UGT1A4: variants seen among roughly 807,000 people sequenced by gnomAD.
UGT1A4 encodes the protein UDP-glucuronosyltransferase 1A4.
Under a neutral mutation model 41.1 loss-of-function variants are expected in UGT1A4, and 32 were observed. The ratio of observed to expected loss-of-function variants is 0.78; its 90% confidence interval spans 0.59 to 1.05. The LOEUF is 1.05. UGT1A4 is among the 50% of genes least tolerant of loss of function. The pLI is 0.00. For missense variants in UGT1A4, 748 were observed against 677.4 expected (o/e 1.10, Z -1.16); for synonymous variants, 283 against 265.1 (o/e 1.07, Z -0.66).
intron 1 of UGT1A4, among the ~76,000 whole-genome samples, chr2:233,748,829 G>T (rs1192020175): frequency 6.6e-6 from 1 of 151,330 alleles, no homozygotes. Context: ...GTCTAGGGAG[G>T]AGATAAAACT....
At chr2:233,768,114 G>A (rs763965900) in intron 3 of UGT1A4, 106 bp from the exon 4 acceptor site, 19 of 1,597,766 alleles carry the variant, frequency 1.2e-5, no homozygotes, top group Non-Finnish European at 1.6e-5. Flanking sequence ...TTCTGCAAGG[G>A]CATGTGAGTA....
At chr2:233,744,461 A>T (rs6741543) in intron 1 of UGT1A4, among the ~76,000 whole-genome samples, 5,148 of 151,990 alleles carry the variant, frequency 0.034, 162 homozygotes, top group African/African-American at 0.052. Context: ...ATTAAAACAG[A>T]ATTAAAAAGA....
chr2:233,729,651 C>T (rs1188318703), intron 1 of UGT1A4: 5 of 1,613,894 alleles, frequency 3.1e-6, no homozygotes, highest in African/African-American at 2.7e-5. Context: ...TTTTGAGGAA[C>T]ATTCCATGTG....
rs114982090 is a variant in UGT1A4, at chr2:233,772,309, C to T, written c.1355C>T (p.Pro452Leu). The T allele has an allele frequency of 2.3e-4, 377 of 1,614,206 alleles. No individual in the cohort carries two copies. The East Asian group carries it at 3.1e-3, about 13-fold the overall frequency. ...MRLSSLHKDR[P>L]VEPLDLAVFW... Reference sequence around the variant, plus strand: ...CTCTCCAGCCTTCACAAGGACCGCCCGGTGGAGCCGCTGGACCTGGCCGTG... The same window carrying T: ...CTCTCCAGCCTTCACAAGGACCGCCTGGTGGAGCCGCTGGACCTGGCCGTG... The change falls in exon 5 of 5, where the codon CCG becomes CTG. Residue 452 changes from proline (P) to leucine (L), a missense_variant. Pro to Leu is a moderately conservative substitution (Grantham distance 98). Coordinates refer to ENST00000373409, the MANE Select transcript of UGT1A4 (RefSeq NM_007120.3).
chr2:233,727,892 G>A (rs1335594867), intron 1 of UGT1A4, among the ~76,000 whole-genome samples: 1 of 152,130 alleles, frequency 6.6e-6, no homozygotes, highest in African/African-American at 2.4e-5. Flanking sequence ...TGGCAGACAC[G>A]GCCAGGCAAG....
chr2:233,750,083 G>A lies in UGT1A4; in HGVS notation c.868-16951G>A, dbSNP rs773064536. ...TGGAACTGGGTAACAGGCAGAGGTT[G>A]GAACAGTTTGGAGAGCTCAGAAGAA... is the stretch of plus-strand genomic sequence containing the variant. On this transcript the variant is annotated intron_variant, in intron 1 of 4. Transcript: ENST00000373409. Among the ~76,000 whole-genome samples the A allele has an allele frequency of 4.8e-4, 73 of 151,992 alleles. 1 individual carries two copies. The highest frequency in any genetic ancestry group is 9.7e-4 in the Non-Finnish European group (66 of 68,038).
intron 1 of UGT1A4, among the ~76,000 whole-genome samples, chr2:233,749,734 G>A (rs1231776352): frequency 4.0e-5 from 6 of 151,850 alleles, no homozygotes; most frequent in African/African-American, 1.5e-4. Flanking sequence ...GCACCTGCTG[G>A]TCTCATCATA....
rs1341350093 is a variant in UGT1A4, at chr2:233,769,045, A to G, written c.1307+606A>G. ...AGTTGCCATAATAGACATCTGATCC[A>G]TAAGTTTCCTGCACAGAAAGAAATA... On this transcript the variant is annotated intron_variant, in intron 4 of 4. Transcript: ENST00000373409. This position sits in a 1 kb window ranked among gnomAD's most constrained non-coding sequence, Gnocchi z 4.4. Among the ~76,000 whole-genome samples, 2 of 152,222 alleles carry G rather than the reference A, an allele frequency of 1.3e-5. No homozygotes were observed. Among genetic ancestry groups the G allele is most frequent in the African/African-American group, 2.4e-5 (1 of 41,450 alleles).
chr2:233,758,824 C>A (rs1696993714), intron 1 of UGT1A4, among the ~76,000 whole-genome samples: 1 of 152,138 alleles, frequency 6.6e-6, no homozygotes, highest in African/African-American at 2.4e-5. Flanking sequence ...TATATCCCCC[C>A]CAAAAAGAGT....
intron 1 of UGT1A4, among the ~76,000 whole-genome samples, chr2:233,733,461 T>C (rs1181074493): frequency 2.0e-5 from 3 of 152,224 alleles, no homozygotes. Flanking sequence ...TAAATAGCTC[T>C]TATTATTTTG....
intron 1 of UGT1A4, among the ~76,000 whole-genome samples, chr2:233,732,129 GTTGT>G (rs201829156): frequency 0.39 from 58,964 of 151,470 alleles, 11,923 homozygotes; most frequent in African/African-American, 0.5. Context: ...TTTTGATGAG[GTTGT>G]TTGTTTGTTT....
In UGT1A4 at chr2:233,760,681, C is replaced by T. The variant is rs769242961; in HGVS notation, c.868-6353C>T. 2 of 1,614,246 alleles carry T rather than the reference C, an allele frequency of 1.2e-6. No homozygotes were observed. The highest frequency in any genetic ancestry group is 1.7e-6 in the Non-Finnish European group (2 of 1,180,048). Reference sequence around the variant, plus strand: ...TTTGTCTGGCTGTTCCCACTTACTGCACAACAAGGAGCTCATGGCCTCCCT... The same window carrying T: ...TTTGTCTGGCTGTTCCCACTTACTGTACAACAAGGAGCTCATGGCCTCCCT... On this transcript the variant is annotated intron_variant, in intron 1 of 4. Coordinates refer to ENST00000373409, the MANE Select transcript of UGT1A4 (RefSeq NM_007120.3).
At chr2:233,770,514 C>G (rs191930447) in intron 4 of UGT1A4, 1 of 152,018 alleles carries the variant, frequency 6.6e-6, no homozygotes, top group Non-Finnish European at 1.5e-5. Flanking sequence ...AAAAATTACC[C>G]AGGCATGGTG....
At chr2:233,754,325 C>T (rs537557157) in intron 1 of UGT1A4, 54 of 246,030 alleles carry the variant, frequency 2.2e-4, no homozygotes, top group African/African-American at 1.1e-3. Flanking sequence ...CTGCCTCAGG[C>T]TTAAGTTTAA....
intron 4 of UGT1A4, among the ~76,000 whole-genome samples, chr2:233,771,924 G>A (rs1363047939): frequency 1.3e-5 from 2 of 151,928 alleles, no homozygotes; most frequent in Non-Finnish European, 2.9e-5. Context: ...AACACAGCCT[G>A]GGCAACACAA....
At chr2:233,753,681 A>G in intron 1 of UGT1A4, 1 of 152,226 alleles carries the variant, frequency 6.6e-6, no homozygotes, top group East Asian at 1.9e-4. Flanking sequence ...CCTCACCCAA[A>G]CAATATTACA....
At chr2:233,724,233 G>T (rs1323099966) in intron 1 of UGT1A4, among the ~76,000 whole-genome samples, 1 of 126,056 alleles carries the variant, frequency 7.9e-6, no homozygotes, top group Non-Finnish European at 1.7e-5. Flanking sequence ...CAGTAGGGGC[G>T]GCCGGGCAGA....
intron 1 of UGT1A4, chr2:233,760,847 C>G: frequency 6.2e-7 from 1 of 1,614,018 alleles, no homozygotes; most frequent in South Asian, 1.1e-5. Context: ...ACCCAGTGCC[C>G]CAACCCATTC....
intron 1 of UGT1A4, among the ~76,000 whole-genome samples, chr2:233,727,658 C>T (rs1228112753): frequency 6.6e-6 from 1 of 152,168 alleles, no homozygotes; most frequent in Non-Finnish European, 1.5e-5. Flanking sequence ...TTCTAGTGCT[C>T]TATGTCCTTA....
Sources: gnomAD v4.1 joint callset for allele counts (sites outside exome capture counted in the v4.1 genomes callset) on GRCh38, gnomAD v4.1.1 for gene constraint, Gnocchi (gnomAD v3.1) non-coding constraint, MANE v1.5 for transcripts, NCBI Gene and HGNC (gene_info 2026-07-23, HGNC 2026-07-21) for gene names.